GLMN: variants seen among roughly 807,000 people sequenced by gnomAD.
The protein encoded by GLMN is glomulin, FKBP associated protein.
A neutral mutation model predicts 87.8 loss-of-function variants in GLMN; 75 were observed. That is an observed-to-expected ratio of 0.85 (90% confidence interval 0.71 to 1.04). The LOEUF is 1.04. Ranked by LOEUF, GLMN falls within the 50% of genes least tolerant of loss-of-function variation. GLMN has a pLI of 0.00. For synonymous variants in GLMN, 206 were observed against 221.6 expected (o/e 0.93, Z 0.63); for missense variants, 588 against 658.8 (o/e 0.89, Z 1.18).
intron 11 of GLMN, among the ~76,000 whole-genome samples, chr1:92,267,564 T>C (rs1188442166): frequency 6.6e-6 from 1 of 151,336 alleles, no homozygotes; most frequent in East Asian, 1.9e-4. Context: ...ATTAGCTGGG[T>C]GTGGTGGCGG....
At chr1:92,344,309 G>A in the GLMN span, among the ~76,000 whole-genome samples, 2 of 152,092 alleles carry the variant, frequency 1.3e-5, no homozygotes, top group Non-Finnish European at 2.9e-5. Flanking sequence ...GGAGGCTGAG[G>A]CAGAAGAATT....
the GLMN span, among the ~76,000 whole-genome samples, chr1:92,337,691 A>G: frequency 6.6e-6 from 1 of 152,068 alleles, no homozygotes; most frequent in Non-Finnish European, 1.5e-5. Flanking sequence ...ACTTTTTTAT[A>G]TCATGATTAG....
At chr1:92,251,242 A>C (rs1353737740) in intron 16 of GLMN, among the ~76,000 whole-genome samples, 1 of 152,260 alleles carries the variant, frequency 6.6e-6, no homozygotes, top group Non-Finnish European at 1.5e-5. Flanking sequence ...CCTATAAAGG[A>C]ATCAAGACAG....
At chr1:92,332,531 C>T in the GLMN span, among the ~76,000 whole-genome samples, 1 of 152,028 alleles carries the variant, frequency 6.6e-6, no homozygotes. Flanking sequence ...ACTGGAGACT[C>T]AGGATGATGT....
the GLMN span, among the ~76,000 whole-genome samples, chr1:92,341,837 G>T: frequency 2.0e-5 from 3 of 152,166 alleles, no homozygotes. Flanking sequence ...TAGAGACAGG[G>T]TTTCACCATG....
upstream of GLMN, chr1:92,301,438 A>G: frequency 6.6e-6 from 7 of 1,065,146 alleles, no homozygotes; most frequent in Non-Finnish European, 7.1e-6. Context: ...TTGGACATGA[A>G]GCTTTTAAGT....
chr1:92,324,165 T>C, the GLMN span: 1 of 1,614,172 alleles, frequency 6.2e-7, no homozygotes, highest in Non-Finnish European at 8.5e-7. Context: ...TAATCTCAGA[T>C]CCAGATAGTC....
At chr1:92,331,268 A>G in the GLMN span, among the ~76,000 whole-genome samples, 3 of 152,192 alleles carry the variant, frequency 2.0e-5, no homozygotes, top group Non-Finnish European at 4.4e-5. Context: ...TAATGTGGTC[A>G]AGGACAATCT....
At chr1:92,361,485 T>C in the GLMN span, among the ~76,000 whole-genome samples, 2 of 152,078 alleles carry the variant, frequency 1.3e-5, no homozygotes, top group African/African-American at 2.4e-5. Context: ...ACTGGTAAAA[T>C]TGCATTGCAC....
At chr1:92,259,223 T>C (rs1452013057) in intron 16 of GLMN, among the ~76,000 whole-genome samples, 3 of 152,192 alleles carry the variant, frequency 2.0e-5, no homozygotes, top group Non-Finnish European at 2.9e-5. Flanking sequence ...GAATAAATTA[T>C]TGTAATTCGA....
the GLMN span, among the ~76,000 whole-genome samples, chr1:92,340,650 C>G: frequency 6.6e-6 from 1 of 151,282 alleles, no homozygotes; most frequent in Non-Finnish European, 1.5e-5. Flanking sequence ...TTCTAAAAGC[C>G]CCCCTTAGAT....
At position 92,252,588 on chromosome 1, in the gene GLMN, TCAG is replaced by T. The variant is rs147782229; in HGVS notation, c.1474-4602_1474-4600del. ...TAAAGAAATTTTTTACATATTCTGT[TCAG>T]CATAATTCCACAAATTTTTCAGATG... On this transcript the variant is annotated intron_variant, in intron 16 of 18. Coordinates refer to ENST00000370360, the MANE Select transcript of GLMN (RefSeq NM_053274.3). Among the ~76,000 whole-genome samples the T allele has an allele frequency of 7.7e-3, 1,172 of 152,304 alleles. 6 individuals carry two copies. The highest frequency in any genetic ancestry group is 0.027 in the African/African-American group (1,123 of 41,568).
At chr1:92,300,822 G>A (rs369334357), upstream of GLMN, among the ~76,000 whole-genome samples, 45 of 152,164 alleles carry the variant, frequency 3.0e-4, no homozygotes, top group African/African-American at 1.0e-3. Flanking sequence ...AAGATATGTC[G>A]GACCTGTGTT....
chr1:92,324,080 AT>A, the GLMN span: 2 of 1,614,064 alleles, frequency 1.2e-6, no homozygotes, highest in Non-Finnish European at 1.7e-6. Context: ...AGGTTTTTGT[AT>A]GGCCAGAATT....
chr1:92,273,359 A>G (rs1270294100), intron 7 of GLMN, among the ~76,000 whole-genome samples: 1 of 151,822 alleles, frequency 6.6e-6, no homozygotes, highest in Non-Finnish European at 1.5e-5. Flanking sequence ...TTGCACTCTG[A>G]TTCCAAATGT....
At chr1:92,265,333 A>AAAC (rs1553137901) in intron 13 of GLMN, among the ~76,000 whole-genome samples, 1 of 150,850 alleles carries the variant, frequency 6.6e-6, no homozygotes, top group Non-Finnish European at 1.5e-5. Context: ...CAAAAAAAAA[A>AAAC]AAAAAACTAG....
chr1:92,247,338 T>TTAA (rs1484696581), intron 17 of GLMN, among the ~76,000 whole-genome samples, 194 bp from the exon 18 acceptor site: 1 of 152,218 alleles, frequency 6.6e-6, no homozygotes, highest in African/African-American at 2.4e-5. Flanking sequence ...AACATGTAAA[T>TTAA]TAATGCTTCT....
intron 7 of GLMN, among the ~76,000 whole-genome samples, chr1:92,275,070 A>G (rs1342442627): frequency 2.0e-5 from 3 of 152,244 alleles, no homozygotes; most frequent in Non-Finnish European, 2.9e-5. Context: ...AAAAAAATAC[A>G]GACTGTTACC....
the GLMN span, among the ~76,000 whole-genome samples, chr1:92,305,364 C>T: frequency 4.3e-5 from 6 of 138,834 alleles, no homozygotes; most frequent in South Asian, 7.2e-4. Context: ...ACCCGGGAGG[C>T]GGAGCTTGCA....
Sources: gnomAD v4.1 joint callset for allele counts (sites outside exome capture counted in the v4.1 genomes callset) on GRCh38, gnomAD v4.1.1 for gene constraint, MANE v1.5 for transcripts, NCBI Gene and HGNC (gene_info 2026-07-23, HGNC 2026-07-21) for gene names.